SUPT3H: variants seen among roughly 807,000 people sequenced by gnomAD.
The protein encoded by SUPT3H is SPT3 homolog, SAGA and STAGA complex component.
SUPT3H carries 44 observed loss-of-function variants against 44.3 expected under a neutral mutation model. The observed-to-expected ratio is 0.99, with a 90% CI of 0.78 to 1.28. The LOEUF (loss-of-function observed/expected upper bound fraction) is 1.28. Among genes scored for constraint, SUPT3H ranks in the 50% most tolerant of loss-of-function variants. The pLI is 0.00. For missense variants in SUPT3H, 380 were observed against 387.1 expected (o/e 0.98, Z 0.15); for synonymous variants, 124 against 125.6 (o/e 0.99, Z 0.09).
intron 2 of SUPT3H, among the ~76,000 whole-genome samples, chr6:45,177,006 G>A (rs1182595982): frequency 6.6e-6 from 1 of 152,212 alleles, no homozygotes; most frequent in Non-Finnish European, 1.5e-5. Flanking sequence ...CTAAAAAACA[G>A]AGTGCCTCTC....
At chr6:45,115,192 CAGAG>C (rs1363422005) in intron 2 of SUPT3H, among the ~76,000 whole-genome samples, 2 of 152,060 alleles carry the variant, frequency 1.3e-5, no homozygotes, top group African/African-American at 4.8e-5. Flanking sequence ...AACATGGAAT[CAGAG>C]AGAGTCAAGA....
chr6:45,102,606 A>AC (rs1798732484), intron 3 of SUPT3H, among the ~76,000 whole-genome samples: 1 of 152,202 alleles, frequency 6.6e-6, no homozygotes, highest in Non-Finnish European at 1.5e-5. Context: ...CCAATGTGGT[A>AC]CAGTTACTGA....
chr6:45,078,151 G>A (rs1220064719), intron 3 of SUPT3H, among the ~76,000 whole-genome samples: 1 of 152,172 alleles, frequency 6.6e-6, no homozygotes, highest in Non-Finnish European at 1.5e-5. Context: ...GGGATTACAG[G>A]TGTGAGCCAC....
intron 3 of SUPT3H, chr6:45,098,493 C>T (rs1227321613): frequency 8.2e-6 from 2 of 245,364 alleles, no homozygotes; most frequent in Admixed American, 4.0e-5. Context: ...ACCCTCCTAC[C>T]AAAGGAGTAA....
intron 6 of SUPT3H, among the ~76,000 whole-genome samples, chr6:44,971,908 G>A (rs1353639898): frequency 6.6e-6 from 1 of 152,138 alleles, no homozygotes; most frequent in Non-Finnish European, 1.5e-5. Flanking sequence ...GAGTAGCTGG[G>A]ACAACAGGCG....
intron 2 of SUPT3H, among the ~76,000 whole-genome samples, chr6:45,346,261 G>A (rs919325850): frequency 6.6e-6 from 1 of 152,108 alleles, no homozygotes; most frequent in Admixed American, 6.5e-5. Context: ...TGATACTGAA[G>A]TTTTTAAATT....
In SUPT3H at chr6:45,047,375, T is replaced by C. The variant is rs540599301; in HGVS notation, c.187-26743A>G. ...CAATCCTGCAACCATTTCTTATGTA[T>C]TAGAGCACTGAACAAATAAGTAAGA... On this transcript the variant is annotated intron_variant, in intron 3 of 10. Coordinates refer to ENST00000371459, the MANE Select transcript of SUPT3H (RefSeq NM_003599.4). 6.6e-5 allele frequency among the ~76,000 whole-genome samples: 10 copies of C among 152,242 alleles called. No individual in the cohort carries two copies. In the East Asian group the frequency reaches 1.9e-3, roughly 29 times the overall value.
chr6:45,373,036 A>C (rs1292563260), intron 1 of SUPT3H, among the ~76,000 whole-genome samples: 1 of 152,002 alleles, frequency 6.6e-6, no homozygotes, highest in African/African-American at 2.4e-5. Context: ...CAAACTCCTG[A>C]CCTCAGGCGA....
intron 2 of SUPT3H, among the ~76,000 whole-genome samples, chr6:45,220,589 G>A (rs183812195): frequency 8.5e-5 from 13 of 152,108 alleles, no homozygotes; most frequent in African/African-American, 2.4e-4. Flanking sequence ...ACCACCATAA[G>A]AAAAAGAAAT....
chr6:45,071,138 A>G (rs1313958226), intron 3 of SUPT3H, among the ~76,000 whole-genome samples: 1 of 152,162 alleles, frequency 6.6e-6, no homozygotes, highest in Admixed American at 6.5e-5. Flanking sequence ...ATGTATCTTC[A>G]TTTCAGGCAG....
chr6:45,018,140 C>A lies in SUPT3H; in HGVS notation c.273+2406G>T, dbSNP rs1020407941. 2.2e-3 allele frequency among the ~76,000 whole-genome samples: 327 copies of A among 151,832 alleles called. 1 individual carries two copies. The highest frequency in any genetic ancestry group is 2.4e-3 in the Non-Finnish European group (163 of 67,874). Reference sequence around the variant, plus strand: ...ATGGGAGTTCACTCATGAGTTGGCTCTCTGTTTGTCTGTTATTGGTGTATA... The same window carrying A: ...ATGGGAGTTCACTCATGAGTTGGCTATCTGTTTGTCTGTTATTGGTGTATA... On this transcript the variant is annotated intron_variant, in intron 4 of 10. Coordinates refer to ENST00000371459, the MANE Select transcript of SUPT3H (RefSeq NM_003599.4).
In SUPT3H at chr6:45,256,966, G is replaced by A. The variant is rs865899242; in HGVS notation, c.101+108235C>T. On this transcript the variant is annotated intron_variant, in intron 2 of 10. Transcript: ENST00000371459. Reference sequence around the variant, plus strand: ...TGAGTGCATACCCAGATGTAGAATTGCTAGGTCATGTCGTAATTCGACGTT... The same window carrying A: ...TGAGTGCATACCCAGATGTAGAATTACTAGGTCATGTCGTAATTCGACGTT... 7.2e-5 allele frequency among the ~76,000 whole-genome samples: 11 copies of A among 152,160 alleles called. 1 individual carries two copies. The highest frequency in any genetic ancestry group is 4.4e-5 in the Non-Finnish European group (3 of 68,014).
intron 4 of SUPT3H, among the ~76,000 whole-genome samples, chr6:45,018,277 T>A (rs1306216284): frequency 6.6e-6 from 1 of 152,142 alleles, no homozygotes; most frequent in Non-Finnish European, 1.5e-5. Flanking sequence ...AGATATATAA[T>A]CATGTCGTCT....
intron 9 of SUPT3H, 115 bp downstream of exon 9, chr6:44,953,195 C>A: frequency 1.3e-6 from 1 of 767,310 alleles, no homozygotes; most frequent in East Asian, 2.7e-5. Flanking sequence ...TATTAAGATT[C>A]TTTGACTGAA....
chr6:45,185,210 A>G (rs936437385), intron 2 of SUPT3H, among the ~76,000 whole-genome samples: 1 of 152,146 alleles, frequency 6.6e-6, no homozygotes, highest in African/African-American at 2.4e-5. Context: ...AGACTTTATT[A>G]AGAAGGAAAT....
chr6:45,098,268 A>T (rs1583522944), intron 3 of SUPT3H: 1 of 156,880 alleles, frequency 6.4e-6, no homozygotes, highest in Non-Finnish European at 1.4e-5. Context: ...GTTAGGCCTA[A>T]ATCTTAAGAC....
intron 10 of SUPT3H, among the ~76,000 whole-genome samples, chr6:44,894,268 T>C (rs1052382853): frequency 4.6e-5 from 7 of 151,074 alleles, no homozygotes; most frequent in Non-Finnish European, 1.0e-4. Flanking sequence ...TGCCATTGCT[T>C]TTGGTGTTTT....
intron 10 of SUPT3H, among the ~76,000 whole-genome samples, chr6:44,876,325 A>T (rs1777250294): frequency 1.6e-5 from 1 of 64,066 alleles, no homozygotes; most frequent in African/African-American, 6.0e-5. Context: ...ATGCAGCCAT[A>T]AAAAATGATG....
intron 2 of SUPT3H, among the ~76,000 whole-genome samples, chr6:45,336,674 T>C (rs1788622511): frequency 6.6e-6 from 1 of 151,452 alleles, no homozygotes; most frequent in Admixed American, 6.6e-5. Context: ...AATTAAATCC[T>C]GTGCTCCAAG....
Sources: allele counts gnomAD v4.1 joint callset (sites outside exome capture counted in the v4.1 genomes callset), GRCh38; gene constraint gnomAD v4.1.1; transcripts MANE v1.5; gene names NCBI Gene and HGNC (gene_info 2026-07-23, HGNC 2026-07-21).